Variants in LRMDA observed in about 807,000 individuals in gnomAD.
LRMDA encodes the protein leucine-rich melanocyte differentiation-associated protein.
In LRMDA, 18 loss-of-function variants were observed where a neutral mutation model predicts 29.8. The observed-to-expected ratio is 0.60, with a 90% confidence interval of 0.42 to 0.90. The LOEUF (loss-of-function observed/expected upper bound fraction) is 0.90. Among genes scored for constraint, LRMDA ranks in the 40% least tolerant of loss-of-function variants. The probability of loss-of-function intolerance (pLI) is 0.00; values close to 1 mark genes in which losing one functional copy is unlikely to be tolerated. For missense variants in LRMDA, 273 were observed against 273.9 expected, an observed-to-expected ratio of 1.00 and a Z score of 0.02; for synonymous variants, 125 against 109.4, an observed-to-expected ratio of 1.14 and a Z score of -0.89.
At chr10:75,687,661 A>T (rs75031028) in intron 2 of LRMDA, among the ~76,000 whole-genome samples, 6,067 of 152,328 alleles carry the variant, frequency 0.04, 313 homozygotes, top group African/African-American at 0.12. Flanking sequence ...AGGTAGCTAC[A>T]CTAAACAACA....
intron 2 of LRMDA, among the ~76,000 whole-genome samples, chr10:75,832,420 G>T (rs1844361741): frequency 6.6e-6 from 1 of 152,140 alleles, no homozygotes; most frequent in African/African-American, 2.4e-5. Context: ...AGCCTGGATT[G>T]CATTGTCCAT....
intron 2 of LRMDA, among the ~76,000 whole-genome samples, chr10:75,799,058 G>A (rs187936697): frequency 9.5e-4 from 144 of 152,288 alleles, no homozygotes; most frequent in African/African-American, 3.4e-3. Context: ...AATTTATTCA[G>A]TAGTGTGTCC....
intron 6 of LRMDA, among the ~76,000 whole-genome samples, chr10:76,547,327 G>A (rs547173957): frequency 1.2e-4 from 18 of 152,192 alleles, no homozygotes; most frequent in African/African-American, 4.3e-4. Context: ...CCCTGAAATT[G>A]AGGCAAGAAG....
chr10:76,226,574 A>G (rs766968149), intron 5 of LRMDA, among the ~76,000 whole-genome samples: 1 of 152,132 alleles, frequency 6.6e-6, no homozygotes, highest in African/African-American at 2.4e-5. Context: ...CAAGAGCAAA[A>G]CTCCATCTGC....
intron 2 of LRMDA, among the ~76,000 whole-genome samples, chr10:75,754,380 T>A (rs1021293897): frequency 6.6e-6 from 1 of 152,266 alleles, no homozygotes. Flanking sequence ...TATTGTATTC[T>A]GTTTTCCAAG....
intron 5 of LRMDA, among the ~76,000 whole-genome samples, chr10:76,277,408 C>T (rs1461454179): frequency 1.3e-5 from 2 of 152,150 alleles, no homozygotes; most frequent in Non-Finnish European, 2.9e-5. Flanking sequence ...AGTGGGCTTA[C>T]CCTCTCATGC....
At chr10:75,783,271 G>A (rs1843416153) in intron 2 of LRMDA, among the ~76,000 whole-genome samples, 1 of 152,116 alleles carries the variant, frequency 6.6e-6, no homozygotes, top group Non-Finnish European at 1.5e-5. Context: ...ATAAAAGAAG[G>A]TAGAAATTAA....
At chr10:75,927,690 T>C (rs1232637069) in intron 2 of LRMDA, among the ~76,000 whole-genome samples, 1 of 152,168 alleles carries the variant, frequency 6.6e-6, no homozygotes, top group Non-Finnish European at 1.5e-5. Flanking sequence ...GTAACTGAAG[T>C]TTAGAAAGGT....
At chr10:75,783,144 T>G in intron 2 of LRMDA, 1 of 1,227,734 alleles carries the variant, frequency 8.1e-7, no homozygotes, top group Middle Eastern at 1.9e-4. Flanking sequence ...TTGATCTGCA[T>G]AAATCATTTT....
chr10:75,814,492 T>C (rs997384635), intron 2 of LRMDA, among the ~76,000 whole-genome samples: 1 of 152,198 alleles, frequency 6.6e-6, no homozygotes, highest in African/African-American at 2.4e-5. Flanking sequence ...CAGCATGTTA[T>C]TGGACTTTCG....
In LRMDA at chr10:75,721,374, T is replaced by C. The variant is rs907767274; in HGVS notation, c.131+282880T>C. ...GTACATTATAAGCATAATGTATGTG[T>C]AATTTCTGTGTAGTTTATAAGGCAA... On this transcript the variant is annotated intron_variant, in intron 2 of 6. Transcript: ENST00000611255. 2.0e-5 allele frequency among the ~76,000 whole-genome samples: 3 copies of C among 152,240 alleles called. No homozygotes were observed. In the East Asian group the frequency reaches 5.8e-4, roughly 29 times the overall value.
At chr10:75,609,644 G>C (rs1047436070) in intron 2 of LRMDA, among the ~76,000 whole-genome samples, 6 of 152,194 alleles carry the variant, frequency 3.9e-5, no homozygotes, top group African/African-American at 1.4e-4. Flanking sequence ...TTGTGGACAG[G>C]TGTAGTGCAT....
At chr10:76,113,478 A>G (rs891587718) in intron 5 of LRMDA, among the ~76,000 whole-genome samples, 2 of 152,104 alleles carry the variant, frequency 1.3e-5, no homozygotes, top group African/African-American at 2.4e-5. Flanking sequence ...GAGGGGGGAA[A>G]AAACCAACCT....
intron 2 of LRMDA, among the ~76,000 whole-genome samples, chr10:75,694,968 A>G (rs1481956963): frequency 1.3e-5 from 2 of 152,142 alleles, no homozygotes; most frequent in Non-Finnish European, 2.9e-5. Flanking sequence ...ACATTCTTCC[A>G]TCAGTGGGAG....
In LRMDA at chr10:76,150,191, A is replaced by G. The variant is rs562973244; in HGVS notation, c.516+91408A>G. On this transcript the variant is annotated intron_variant, in intron 5 of 6. Transcript: ENST00000611255. Reference sequence around the variant, plus strand: ...TCCGCGCTACACACTTCTGTGGCAGATGCCTCTGAGCAGCCTTCTTTATGA... The same window carrying G: ...TCCGCGCTACACACTTCTGTGGCAGGTGCCTCTGAGCAGCCTTCTTTATGA... 1.6e-4 allele frequency among the ~76,000 whole-genome samples: 24 copies of G among 152,348 alleles called. 1 individual carries two copies. The highest frequency in any genetic ancestry group is 9.8e-4 in the Admixed American group (15 of 15,306).
chr10:76,353,583 T>C (rs1235607157), intron 6 of LRMDA, among the ~76,000 whole-genome samples: 1 of 152,096 alleles, frequency 6.6e-6, no homozygotes, highest in Non-Finnish European at 1.5e-5. Context: ...AGGGGAGACA[T>C]AGCTATGCCG....
At chr10:75,497,998 C>T (rs1012557673) in intron 2 of LRMDA, among the ~76,000 whole-genome samples, 4 of 152,162 alleles carry the variant, frequency 2.6e-5, no homozygotes, top group Admixed American at 6.5e-5. Flanking sequence ...TTCCCCAAAG[C>T]GGCTGTTTCC....
chr10:76,386,384 C>T (rs980912475), intron 6 of LRMDA, among the ~76,000 whole-genome samples: 1 of 152,202 alleles, frequency 6.6e-6, no homozygotes, highest in Non-Finnish European at 1.5e-5. Flanking sequence ...GCTGCTCACC[C>T]ATTTTCGGTT....
intron 5 of LRMDA, among the ~76,000 whole-genome samples, chr10:76,157,156 C>G (rs1385147251): frequency 2.0e-5 from 3 of 152,134 alleles, no homozygotes; most frequent in Admixed American, 2.0e-4. Flanking sequence ...GGGAGACTCC[C>G]TTTTGAAAAT....
Sources: gnomAD v4.1 joint callset for allele counts (sites outside exome capture counted in the v4.1 genomes callset) on GRCh38, gnomAD v4.1.1 for gene constraint, MANE v1.5 for transcripts, NCBI Gene and HGNC (gene_info 2026-07-23, HGNC 2026-07-21) for gene names.